Variants in SBF1 observed in about 807,000 individuals in gnomAD.
The protein encoded by SBF1 is SET binding factor 1.
Under a neutral mutation model 215.8 loss-of-function variants are expected in SBF1, and 65 were observed. That is an observed-to-expected ratio of 0.30 (90% CI 0.25 to 0.37). The LOEUF is 0.37. Among genes scored for constraint, SBF1 ranks in the 10% least tolerant of loss-of-function variants. SBF1 has a pLI of 1.00. For missense variants in SBF1, 2,634 were observed against 2,667.8 expected, an observed-to-expected ratio of 0.99 and a Z score of 0.28; for synonymous variants, 1,410 against 1,122.8, an observed-to-expected ratio of 1.26 and a Z score of -5.11.
chr22:50,456,458 C>CA lies in SBF1; in HGVS notation c.4086+33dup, dbSNP rs773266077. On this transcript the variant is annotated intron_variant, in intron 30 of 40. Coordinates refer to ENST00000380817, the MANE Select transcript of SBF1 (RefSeq NM_002972.4). ...GGCCCCAAGCCCCCTGCCGAGCCCC[C>CA]ACCCTCACCCCCCACCCCCCGCACC... 4.1e-3 allele frequency: 5,949 copies of CA among 1,441,386 alleles called. 21 individuals carry two copies. The highest frequency in any genetic ancestry group is 5.0e-3 in the Non-Finnish European group (5,443 of 1,079,714). 89.3% of individuals were successfully genotyped at this position (1,441,386 alleles called of 1,614,324 possible). A position where few individuals can be genotyped will look rare whatever the true frequency, so the allele number is the denominator to read the frequency against.
At chr22:50,461,116 C>T (rs1259465816) in intron 23 of SBF1, 43 bp downstream of exon 23, 2 of 1,551,366 alleles carry the variant, frequency 1.3e-6, no homozygotes, top group Admixed American at 1.9e-5. Context: ...AGGAGAAAGA[C>T]CAGGGCGGGG....
In SBF1 at chr22:50,462,262, C is replaced by T. The variant is rs2067549345; in HGVS notation, c.2339G>A (p.Arg780Gln). 2.5e-6 allele frequency: 4 copies of T among 1,611,206 alleles called. No homozygotes were observed. In the African/African-American group the frequency reaches 4.0e-5, roughly 16 times the overall value. The change falls in exon 19 of 41, where the codon CGG (arginine) becomes CAG (glutamine). Residue 780 changes from arginine to glutamine, a missense_variant. Arg to Gln is a conservative substitution (Grantham distance 43). Transcript: ENST00000380817. ...PLDSSKSRLL[R>Q]ERAGLGDLES... ...CAGGTCGCCCAGCCCGGCACGCTCC[C>T]GAAGTAGGCGGCTCTTGCTGCTGTC...
In SBF1 at chr22:50,445,415, AC is replaced by A. The variant is rs949279703; in HGVS notation, c.*1726del. ...AGTGGGAGGGGCAGGTGGAGACCAG[AC>A]CCCCACCCCGCCCCAGCGAGCTTGT... On this transcript the variant is annotated 3_prime_UTR_variant, in exon 41 of 41. Transcript: ENST00000380817. The A allele has an allele frequency of 1.3e-5, 2 of 151,090 alleles. No individual in the cohort carries two copies. The highest frequency in any genetic ancestry group is 2.4e-5 in the African/African-American group (1 of 40,960). The allele number at this position is 151,090 out of a possible 1,614,324, so 9.4% of individuals were successfully genotyped here.
chr22:50,473,902 C>T (rs2148619880), intron 1 of SBF1, among the ~76,000 whole-genome samples: 1 of 152,356 alleles, frequency 6.6e-6, no homozygotes, highest in Admixed American at 6.5e-5. Flanking sequence ...CAGATGGGGG[C>T]AACACCAGGG....
chr22:50,458,458 CTG>C (rs2067351299), intron 28 of SBF1, among the ~76,000 whole-genome samples: 1 of 152,102 alleles, frequency 6.6e-6, no homozygotes, highest in African/African-American at 2.4e-5. Context: ...AAAAGGGACT[CTG>C]TGGGAAGCAC....
intron 36 of SBF1, 98 bp downstream of exon 36, chr22:50,454,414 T>C (rs2067164054): frequency 9.4e-7 from 1 of 1,062,218 alleles, no homozygotes; most frequent in South Asian, 1.3e-5. Context: ...TAACCGGACT[T>C]ACGTGCATGT....
At chr22:50,457,779 G>C (rs1458819663) in intron 28 of SBF1, among the ~76,000 whole-genome samples, 1 of 152,234 alleles carries the variant, frequency 6.6e-6, no homozygotes, top group African/African-American at 2.4e-5. Flanking sequence ...GGGTCTCTGG[G>C]CGCCTGGCCC....
chr22:50,468,601 C>G (rs1223391519), intron 1 of SBF1, 140 bp from the exon 2 acceptor site: 2 of 603,546 alleles, frequency 3.3e-6, no homozygotes, highest in East Asian at 6.1e-5. Context: ...AAAAATAGCT[C>G]CGTATGGAGA....
At chr22:50,458,206 G>A (rs2148579329) in intron 28 of SBF1, among the ~76,000 whole-genome samples, 1 of 151,842 alleles carries the variant, frequency 6.6e-6, no homozygotes, top group Middle Eastern at 3.4e-3. Flanking sequence ...TCGGGAGGCT[G>A]AGGCAGGAGA....
rs771783416 is a variant in SBF1 at position 50,448,277 on chromosome 22, G to A, written c.5319C>T (p.Thr1773=). The change falls in exon 38 of 41, where the codon ACC becomes ACT. Residue 1773 remains threonine, a synonymous_variant. Coordinates refer to ENST00000380817, the MANE Select transcript of SBF1 (RefSeq NM_002972.4). The stretch of plus-strand genomic sequence containing the variant: ...TCTGGAACTGGCTGTACAGGGTGCT[G>A]GTGCTGCGGCGGGCAGCCTGACGGG... The part of the protein sequence containing the change: ...SGSRQAARRS[T]STLYSQFQTA... 9 of 1,613,130 alleles carry A rather than the reference G, an allele frequency of 5.6e-6. No individual in the cohort carries two copies. The Admixed American group carries it at 8.3e-5, about 15-fold the overall frequency.
At chr22:50,457,956 A>AGG (rs1569511091) in intron 28 of SBF1, among the ~76,000 whole-genome samples, 24 of 151,894 alleles carry the variant, frequency 1.6e-4, no homozygotes, top group African/African-American at 5.8e-4. Context: ...GTGAGGACGC[A>AGG]GCACCAGCCT....
At position 50,468,362 on chromosome 22, in the gene SBF1, C is replaced by G. The variant is rs371153930; in HGVS notation, c.141+14G>C. Reference sequence around the variant, plus strand: ...CCCACCTGCCAGCACCGTCTCAGCACGCCCCCAACTCACCAGCTCGATGCC... The same window carrying G: ...CCCACCTGCCAGCACCGTCTCAGCAGGCCCCCAACTCACCAGCTCGATGCC... On this transcript the variant is annotated intron_variant, in intron 2 of 40. Coordinates refer to ENST00000380817, the MANE Select transcript of SBF1 (RefSeq NM_002972.4). 8 of 1,610,824 alleles carry G rather than the reference C, an allele frequency of 5.0e-6. No individual in the cohort carries two copies. Among genetic ancestry groups the G allele is most frequent in the Admixed American group, 1.7e-5 (1 of 59,904 alleles).
Position 50,466,904 on chromosome 22 carries a change from G to A in SBF1, c.550-194C>T, listed in dbSNP as rs138759767. On this transcript the variant is annotated intron_variant, in intron 5 of 40. Transcript: ENST00000380817. The stretch of plus-strand genomic sequence containing the variant: ...CCCAAGCAGCTGCAGAGAAAACTCA[G>A]GACAGGAGTGGCTGCTTTTGACTTG... The A allele has an allele frequency of 9.9e-4, 568 of 576,190 alleles. 3 individuals are homozygous for A. Among genetic ancestry groups the A allele is most frequent in the African/African-American group, 8.5e-3 (452 of 53,148 alleles). 35.7% of individuals were successfully genotyped at this position (576,190 alleles called of 1,614,324 possible). A position where few individuals can be genotyped will look rare whatever the true frequency, so the allele number is the denominator to read the frequency against.
intron 10 of SBF1, among the ~76,000 whole-genome samples, chr22:50,465,533 G>A (rs935527734): frequency 1.3e-5 from 2 of 152,208 alleles, no homozygotes; most frequent in Non-Finnish European, 2.9e-5. Flanking sequence ...AAGGGCTCCT[G>A]TGATCAGACG....
rs569999977 is a variant in SBF1 at position 50,468,215 on chromosome 22, G to A, written c.141+161C>T. ...TGACATGAGCACCGCACAGGCCGCCGGCCAAGCCGGTCAAACCCCCCGACA... is the reference window on the plus strand; with the variant it reads ...TGACATGAGCACCGCACAGGCCGCCAGCCAAGCCGGTCAAACCCCCCGACA... On this transcript the variant is annotated intron_variant, in intron 2 of 40. Transcript: ENST00000380817. Among the ~76,000 whole-genome samples, 11 of 152,286 alleles carry A rather than the reference G, an allele frequency of 7.2e-5. No individual in the cohort carries two copies. The East Asian group carries it at 7.7e-4, about 11-fold the overall frequency.
chr22:50,455,212 C>T lies in SBF1; in HGVS notation c.4554+12G>A, dbSNP rs375866958. On this transcript the variant is annotated intron_variant, in intron 33 of 40. Transcript: ENST00000380817. ...GCACAGTCCCGGCCCACCCACACAG[C>T]GGCCTGCCCACCTGGTGTACGCAGT... 88 of 1,611,644 alleles carry T rather than the reference C, an allele frequency of 5.5e-5. No individual in the cohort carries two copies. Among genetic ancestry groups the T allele is most frequent in the Middle Eastern group, 4.9e-4 (3 of 6,080 alleles).
Position 50,464,644 on chromosome 22 carries a change from T to A in SBF1, c.1526A>T (p.Asp509Val). ...CACGATCCACTGCACGGTGCCCTCATCCAGCCGGGGGAAGGGTCGGGGCAC... is the reference window on the plus strand; with the variant it reads ...CACGATCCACTGCACGGTGCCCTCAACCAGCCGGGGGAAGGGTCGGGGCAC... ...RRVPRPFPRLDEGTVQWIVDQ... is the reference protein window; with the variant it reads ...RRVPRPFPRLVEGTVQWIVDQ... The change falls in exon 14 of 41, where the codon GAT becomes GTT. Residue 509 changes from aspartate to valine, a missense_variant. Asp to Val is a radical substitution (Grantham distance 152). Coordinates refer to ENST00000380817, the MANE Select transcript of SBF1 (RefSeq NM_002972.4). 6.2e-7 allele frequency: 1 copy of A among 1,609,670 alleles called. No homozygotes were observed. The highest frequency in any genetic ancestry group is 8.5e-7 in the Non-Finnish European group (1 of 1,179,786).
chr22:50,474,111 G>A (rs2148620366), intron 1 of SBF1, among the ~76,000 whole-genome samples: 1 of 152,324 alleles, frequency 6.6e-6, no homozygotes, highest in East Asian at 1.9e-4. Flanking sequence ...AGACCTCCTG[G>A]GCATGGGCAC....
At position 50,461,539 on chromosome 22, in the gene SBF1, C is replaced by T. The variant is rs1276284048; in HGVS notation, c.2823G>A (p.Met941Ile). The T allele has an allele frequency of 6.2e-7, 1 of 1,601,910 alleles. No individual in the cohort carries two copies. The highest frequency in any genetic ancestry group is 8.5e-7 in the Non-Finnish European group (1 of 1,171,770). Residue 941 changes from methionine (M) to isoleucine (I), a missense_variant, in exon 22 of 41, where the codon ATG (methionine) becomes ATA (isoleucine). Coordinates refer to ENST00000380817, the MANE Select transcript of SBF1 (RefSeq NM_002972.4). ...CAGGCTCACCCAGGGGGTCCGTGGGCATCCCCGTGAAGATGACCCGGTACG... is the reference window on the plus strand; with the variant it reads ...CAGGCTCACCCAGGGGGTCCGTGGGTATCCCCGTGAAGATGACCCGGTACG... Reference protein sequence around the residue: ...LTTYRVIFTGMPTDPLVGEQV... With the variant: ...LTTYRVIFTGIPTDPLVGEQV...
Sources: gnomAD v4.1 joint callset for allele counts (sites outside exome capture counted in the v4.1 genomes callset) on GRCh38, gnomAD v4.1.1 for gene constraint, MANE v1.5 for transcripts, NCBI Gene and HGNC (gene_info 2026-07-23, HGNC 2026-07-21) for gene names.